NOX4: variants seen among roughly 807,000 people sequenced by gnomAD.
NOX4 encodes NADPH oxidase 4.
NOX4 carries 69 observed loss-of-function variants against 87.6 expected under a neutral mutation model. The observed-to-expected ratio is 0.79, with a 90% CI of 0.65 to 0.96. The LOEUF (loss-of-function observed/expected upper bound fraction) is 0.96, where lower values mean the gene tolerates loss of function less well. Among genes scored for constraint, NOX4 ranks in the 40% least tolerant of loss-of-function variants. The pLI is 0.00. For missense variants in NOX4, 680 were observed against 681.5 expected, an observed-to-expected ratio of 1.00 and a Z score of 0.02; for synonymous variants, 275 against 238.2, an observed-to-expected ratio of 1.15 and a Z score of -1.42.
chr11:89,470,014 T>C (rs886931793), intron 2 of NOX4, among the ~76,000 whole-genome samples: 1 of 152,082 alleles, frequency 6.6e-6, no homozygotes, highest in Non-Finnish European at 1.5e-5. Context: ...CTTAACTAGC[T>C]GTGTGGTCTT....
At chr11:89,510,570 T>C in the NOX4 span, among the ~76,000 whole-genome samples, 3 of 152,054 alleles carry the variant, frequency 2.0e-5, no homozygotes, top group Admixed American at 1.3e-4. Context: ...ACAAATTATG[T>C]AATTTTTACA....
intron 13 of NOX4, among the ~76,000 whole-genome samples, chr11:89,343,195 C>T (rs1946078047): frequency 6.6e-6 from 1 of 152,266 alleles, no homozygotes; most frequent in Non-Finnish European, 1.5e-5. Flanking sequence ...AATAACTTTT[C>T]CTCTCTAAAC....
chr11:89,365,984 A>G (rs1381159368), intron 12 of NOX4, among the ~76,000 whole-genome samples: 1 of 152,118 alleles, frequency 6.6e-6, no homozygotes, highest in Non-Finnish European at 1.5e-5. Context: ...ATGATTAGCA[A>G]GTGTATCAAG....
At chr11:89,584,133 T>C in the NOX4 span, among the ~76,000 whole-genome samples, 171 of 152,262 alleles carry the variant, frequency 1.1e-3, no homozygotes, top group African/African-American at 3.8e-3. Context: ...TGATTCTTTG[T>C]GAAGTATTTC....
intron 12 of NOX4, among the ~76,000 whole-genome samples, chr11:89,360,962 T>C (rs562367654): frequency 6.6e-6 from 1 of 152,178 alleles, no homozygotes; most frequent in South Asian, 2.1e-4. Flanking sequence ...GATGTTGGTA[T>C]GGATGTGGTA....
At chr11:89,577,102 T>G in the NOX4 span, 1 of 152,098 alleles carries the variant, frequency 6.6e-6, no homozygotes, top group Non-Finnish European at 1.5e-5. Context: ...GTATTAATAA[T>G]ATCACCTTAT....
At chr11:89,478,400 G>A (rs1946254585) in intron 2 of NOX4, among the ~76,000 whole-genome samples, 3 of 152,112 alleles carry the variant, frequency 2.0e-5, no homozygotes. Flanking sequence ...TTGTTAAGAG[G>A]TGAAGTTGAG....
At chr11:89,421,834 TAG>T in intron 8 of NOX4, 66 bp downstream of exon 8, 3 of 888,506 alleles carry the variant, frequency 3.4e-6, no homozygotes, top group Non-Finnish European at 5.3e-6. Flanking sequence ...AAATTTCCTA[TAG>T]AGTTTTCTTT....
At chr11:89,382,516 G>A (rs1052284709) in intron 11 of NOX4, among the ~76,000 whole-genome samples, 3 of 151,844 alleles carry the variant, frequency 2.0e-5, no homozygotes, top group Non-Finnish European at 4.4e-5. Context: ...TTCCCAATGC[G>A]ACTCATCCCA....
chr11:89,540,745 G>C, the NOX4 span, among the ~76,000 whole-genome samples: 2 of 130,106 alleles, frequency 1.5e-5, no homozygotes, highest in East Asian at 5.3e-4. Context: ...CCGAGATCGC[G>C]ACACTGCACT....
intron 7 of NOX4, among the ~76,000 whole-genome samples, chr11:89,429,989 C>A (rs1200001857): frequency 1.3e-5 from 2 of 152,162 alleles, no homozygotes; most frequent in Non-Finnish European, 2.9e-5. Context: ...AGCAGCACAT[C>A]AAAAAGCTTA....
At chr11:89,461,146 C>A (rs1433625768) in intron 2 of NOX4, among the ~76,000 whole-genome samples, 4 of 151,494 alleles carry the variant, frequency 2.6e-5, no homozygotes, top group Non-Finnish European at 5.9e-5. Context: ...CATCACAATC[C>A]GGGGCCTGTT....
At chr11:89,469,639 C>G (rs1258082316) in intron 2 of NOX4, among the ~76,000 whole-genome samples, 1 of 152,108 alleles carries the variant, frequency 6.6e-6, no homozygotes, top group Admixed American at 6.5e-5. Flanking sequence ...AATGGGAACC[C>G]AAGTCTCCTC....
chr11:89,518,902 T>TAA, the NOX4 span, among the ~76,000 whole-genome samples: 1,290 of 151,938 alleles, frequency 8.5e-3, 25 homozygotes, highest in African/African-American at 0.029. Context: ...GTGATTATGA[T>TAA]AAAAAAATCA....
chr11:89,387,567 C>G (rs1591085054), intron 11 of NOX4, among the ~76,000 whole-genome samples: 2 of 152,116 alleles, frequency 1.3e-5, no homozygotes, highest in East Asian at 3.9e-4. Context: ...ACAGTTTGTT[C>G]CTGAATAAAA....
At chr11:89,523,087 C>T in the NOX4 span, among the ~76,000 whole-genome samples, 8 of 151,816 alleles carry the variant, frequency 5.3e-5, no homozygotes, top group Admixed American at 1.3e-4. Flanking sequence ...TGCAGTGGCG[C>T]GATTTTGGAT....
chr11:89,346,153 G>C (rs1875564), intron 13 of NOX4, among the ~76,000 whole-genome samples: 28,341 of 151,986 alleles, frequency 0.19, 3,590 homozygotes, highest in African/African-American at 0.34. Context: ...AGCTGAGAGC[G>C]AAATCAAGAA....
At chr11:89,541,170 A>G in the NOX4 span, among the ~76,000 whole-genome samples, 1 of 152,096 alleles carries the variant, frequency 6.6e-6, no homozygotes, top group Non-Finnish European at 1.5e-5. Flanking sequence ...TCATTTCTCC[A>G]TATTATATTT....
At chr11:89,459,349 T>C (rs1000203236) in intron 2 of NOX4, among the ~76,000 whole-genome samples, 2 of 152,100 alleles carry the variant, frequency 1.3e-5, no homozygotes, top group Non-Finnish European at 2.9e-5. Context: ...GGTACTATGC[T>C]TATTACTTGG....
Sources: allele counts gnomAD v4.1 joint callset (sites outside exome capture counted in the v4.1 genomes callset), GRCh38; gene constraint gnomAD v4.1.1; transcripts MANE v1.5; gene names NCBI Gene and HGNC (gene_info 2026-07-23, HGNC 2026-07-21).